CNTN4: variants seen among roughly 807,000 people sequenced by gnomAD.
The protein encoded by CNTN4 is contactin 4.
CNTN4 carries 77 observed loss-of-function variants against 122.5 expected under a neutral mutation model. The ratio of observed to expected loss-of-function variants is 0.63; its 90% CI spans 0.52 to 0.76. The LOEUF is 0.76. Ranked by LOEUF, CNTN4 falls within the 30% of genes least tolerant of loss-of-function variation. The pLI is 0.00. For missense variants in CNTN4, 1,256 were observed against 1,259.1 expected (o/e 1.00, Z 0.04); for synonymous variants, 512 against 447.0 (o/e 1.15, Z -1.83).
At chr3:3,043,254 A>G in intron 22 of CNTN4, 91 bp downstream of exon 22, 1 of 1,196,122 alleles carries the variant, frequency 8.4e-7, no homozygotes, top group East Asian at 2.4e-5. Flanking sequence ...GATCATTTGC[A>G]TACTAATTAG....
chr3:2,790,926 A>G (rs748651785), intron 6 of CNTN4, among the ~76,000 whole-genome samples: 4 of 152,170 alleles, frequency 2.6e-5, no homozygotes, highest in African/African-American at 9.6e-5. Flanking sequence ...TTTTGTTTAG[A>G]TAAGGTTCAA....
intron 4 of CNTN4, among the ~76,000 whole-genome samples, chr3:2,610,866 T>C (rs1203182163): frequency 1.3e-5 from 2 of 152,182 alleles, no homozygotes; most frequent in African/African-American, 2.4e-5. Context: ...CACTAGTAAC[T>C]TGGGAGAAAT....
In CNTN4 at chr3:2,414,001, A is replaced by G. The variant is rs144067091; in HGVS notation, c.-89+74768A>G. Among the ~76,000 whole-genome samples the G allele has an allele frequency of 5.3e-3, 812 of 152,316 alleles. 7 individuals are homozygous for G. Among genetic ancestry groups the G allele is most frequent in the African/African-American group, 0.018 (757 of 41,560 alleles). The stretch of plus-strand genomic sequence containing the variant: ...AGAATCCAGAGTCTATATTGGTGCC[A>G]TTCGTTGAATACCGAGGATGGCACA... On this transcript the variant is annotated intron_variant, in intron 3 of 24. Coordinates refer to ENST00000418658, the MANE Select transcript of CNTN4 (RefSeq NM_175607.3).
intron 4 of CNTN4, among the ~76,000 whole-genome samples, chr3:2,618,895 T>A (rs1289742726): frequency 2.0e-5 from 3 of 152,186 alleles, no homozygotes; most frequent in Non-Finnish European, 4.4e-5. Flanking sequence ...AAGTTTGGAA[T>A]CTGGAGACTT....
chr3:2,481,087 C>CTCTTTCTCTCTT (rs2075989692), intron 3 of CNTN4, among the ~76,000 whole-genome samples: 5 of 69,700 alleles, frequency 7.2e-5, no homozygotes, highest in African/African-American at 1.4e-4. Flanking sequence ...CTCTCTTTCT[C>CTCTTTCTCTCTT]TCTTTCTTTC....
intron 23 of CNTN4, among the ~76,000 whole-genome samples, chr3:3,051,593 C>T (rs9843087): frequency 0.37 from 56,268 of 151,972 alleles, 11,045 homozygotes; most frequent in East Asian, 0.67. Flanking sequence ...TTTGACACTC[C>T]TGAATGTGCC....
intron 3 of CNTN4, among the ~76,000 whole-genome samples, chr3:2,500,705 A>G (rs2076571444): frequency 6.6e-6 from 1 of 152,074 alleles, no homozygotes; most frequent in Non-Finnish European, 1.5e-5. Flanking sequence ...GATATAATTC[A>G]TTCTTAAACA....
intron 10 of CNTN4, among the ~76,000 whole-genome samples, chr3:2,890,998 A>AT (rs2094033028): frequency 8.1e-6 from 1 of 123,714 alleles, no homozygotes; most frequent in Non-Finnish European, 1.8e-5. Flanking sequence ...TTGTTTAACA[A>AT]ATTTTTTTTT....
intron 2 of CNTN4, among the ~76,000 whole-genome samples, chr3:2,291,426 T>C (rs535492302): frequency 3.3e-5 from 5 of 152,298 alleles, no homozygotes; most frequent in African/African-American, 9.6e-5. Flanking sequence ...AGAGTCACCC[T>C]AGTTACAACT....
At chr3:2,144,836 T>C (rs1430417197) in intron 2 of CNTN4, among the ~76,000 whole-genome samples, 1 of 152,224 alleles carries the variant, frequency 6.6e-6, no homozygotes, top group East Asian at 1.9e-4. Context: ...CTGCCCAGAA[T>C]TTCTCAGGAG....
At chr3:2,228,760 A>G (rs762333163) in intron 2 of CNTN4, among the ~76,000 whole-genome samples, 23 of 152,172 alleles carry the variant, frequency 1.5e-4, no homozygotes, top group Non-Finnish European at 3.2e-4. Flanking sequence ...GTTTAGACTT[A>G]TTTAAAAACA....
chr3:3,043,537 A>G, intron 22 of CNTN4, 55 bp from the exon 23 acceptor site: 18 of 1,321,922 alleles, frequency 1.4e-5, no homozygotes, highest in Non-Finnish European at 2.0e-5. Flanking sequence ...GATATTCCTC[A>G]GAATCCATTG....
At chr3:2,437,372 A>T (rs913119341) in intron 3 of CNTN4, among the ~76,000 whole-genome samples, 2 of 152,174 alleles carry the variant, frequency 1.3e-5, no homozygotes, top group African/African-American at 4.8e-5. Context: ...AGACTCAGTT[A>T]TCTTAATTTT....
intron 7 of CNTN4, among the ~76,000 whole-genome samples, chr3:2,844,698 T>C (rs1463852022): frequency 6.6e-6 from 1 of 152,226 alleles, no homozygotes; most frequent in Non-Finnish European, 1.5e-5. Flanking sequence ...AATGCCTGTA[T>C]AGGAAGCATA....
intron 4 of CNTN4, among the ~76,000 whole-genome samples, chr3:2,725,142 A>G (rs2088133614): frequency 6.6e-6 from 1 of 152,148 alleles, no homozygotes; most frequent in Non-Finnish European, 1.5e-5. Flanking sequence ...CCAGCATTTG[A>G]TTTCAGAGCC....
intron 2 of CNTN4, among the ~76,000 whole-genome samples, chr3:2,183,494 C>A (rs1447873802): frequency 2.0e-5 from 3 of 151,924 alleles, no homozygotes; most frequent in Non-Finnish European, 4.4e-5. Context: ...ATAAATTATT[C>A]CCGCTTATTG....
At chr3:2,660,905 T>G (rs2083858433) in intron 4 of CNTN4, among the ~76,000 whole-genome samples, 1 of 152,226 alleles carries the variant, frequency 6.6e-6, no homozygotes, top group Admixed American at 6.5e-5. Flanking sequence ...AAGCCCAGAA[T>G]GGCAAAATGA....
At position 3,026,244 on chromosome 3, in the gene CNTN4, C is replaced by T; in HGVS notation, c.1629C>T (p.Asp543=). The change falls in exon 15 of 25, where the codon GAC becomes GAT. Residue 543 remains aspartate, a synonymous_variant. Transcript: ENST00000418658. ...TTAATGGACACCTGATAGACTTTGA[C>T]AGAGATGGGGACCACTTTGAAAGAG... ...WSFNGHLIDF[D]RDGDHFERVG... 6.2e-7 allele frequency: 1 copy of T among 1,613,478 alleles called. No individual in the cohort carries two copies. Among genetic ancestry groups the T allele is most frequent in the Non-Finnish European group, 8.5e-7 (1 of 1,179,524 alleles).
chr3:3,048,585 C>G (rs1175912775), intron 23 of CNTN4, among the ~76,000 whole-genome samples: 1 of 151,848 alleles, frequency 6.6e-6, no homozygotes, highest in Non-Finnish European at 1.5e-5. Context: ...CGTGATATCT[C>G]ACGTCCCATG....
Sources: allele counts gnomAD v4.1 joint callset (sites outside exome capture counted in the v4.1 genomes callset), GRCh38; gene constraint gnomAD v4.1.1; transcripts MANE v1.5; gene names NCBI Gene and HGNC (gene_info 2026-07-23, HGNC 2026-07-21).